FAM78B: variants seen among roughly 807,000 people sequenced by gnomAD.
FAM78B encodes family with sequence similarity 78 member B, also known as protein FAM78B.
A neutral mutation model predicts 20.0 loss-of-function variants in FAM78B; 10 were observed. The ratio of observed to expected loss-of-function variants is 0.50; its 90% CI spans 0.31 to 0.85. The LOEUF is 0.85. Among genes scored for constraint, FAM78B ranks in the 40% least tolerant of loss-of-function variants. The pLI, the probability that FAM78B is intolerant of heterozygous loss-of-function variation, is 0.05. For missense variants in FAM78B, 283 were observed against 345.0 expected (o/e 0.82, Z 1.42); for synonymous variants, 135 against 132.8 (o/e 1.02, Z -0.12).
At chr1:166,154,285 G>A (rs1451631542) in intron 1 of FAM78B, among the ~76,000 whole-genome samples, 1 of 152,240 alleles carries the variant, frequency 6.6e-6, no homozygotes, top group Non-Finnish European at 1.5e-5. Flanking sequence ...AGGGTAAGGG[G>A]GGTATTGAGG....
chr1:166,082,818 C>A, intron 1 of FAM78B: 1 of 152,460 alleles, frequency 6.6e-6, no homozygotes, highest in Non-Finnish European at 1.5e-5. Context: ...GAGAGTCCCA[C>A]GTGACAGCCG....
chr1:166,123,839 C>T (rs1654547145), intron 1 of FAM78B, among the ~76,000 whole-genome samples: 1 of 152,148 alleles, frequency 6.6e-6, no homozygotes, highest in Non-Finnish European at 1.5e-5. Flanking sequence ...ACCCCAGCTC[C>T]AGCAAAAATC....
chr1:166,101,284 C>G (rs757969911), intron 1 of FAM78B, among the ~76,000 whole-genome samples: 19 of 152,184 alleles, frequency 1.2e-4, no homozygotes, highest in South Asian at 2.1e-4. Context: ...AATCAGAGCG[C>G]CTCTTCTCGA....
intron 1 of FAM78B, among the ~76,000 whole-genome samples, chr1:166,079,854 G>A (rs1438671380): frequency 1.3e-5 from 2 of 152,184 alleles, no homozygotes; most frequent in Admixed American, 1.3e-4. Flanking sequence ...TGTTTGTTAG[G>A]GATGGGCAGA....
intron 1 of FAM78B, among the ~76,000 whole-genome samples, chr1:166,110,000 T>C (rs1653987964): frequency 6.8e-6 from 1 of 146,594 alleles, no homozygotes; most frequent in Admixed American, 6.8e-5. Flanking sequence ...ACTGTTATTG[T>C]AAGTAAAGTA....
intron 1 of FAM78B, among the ~76,000 whole-genome samples, chr1:166,096,857 C>T (rs1354998773): frequency 6.6e-6 from 1 of 152,100 alleles, no homozygotes; most frequent in Admixed American, 6.6e-5. Flanking sequence ...GGAGAGAGAT[C>T]GTGGTGGATG....
rs556760057 is a variant in FAM78B, at chr1:166,079,788, T to C, written c.264-9025A>G. ...CTCTGTTAGTCTGACCTATAACTTA[T>C]AAATACTGAGAAATATGGCACCCTG... is the stretch of plus-strand genomic sequence containing the variant. On this transcript the variant is annotated intron_variant, in intron 1 of 1. Transcript: ENST00000354422. Among the ~76,000 whole-genome samples the C allele has an allele frequency of 2.6e-5, 4 of 152,328 alleles. No individual in the cohort carries two copies. In the East Asian group the frequency reaches 5.8e-4, roughly 22 times the overall value.
At chr1:166,114,790 A>G (rs75108655) in intron 1 of FAM78B, among the ~76,000 whole-genome samples, 2 of 152,088 alleles carry the variant, frequency 1.3e-5, no homozygotes, top group Non-Finnish European at 2.9e-5. Context: ...ACAATATAGC[A>G]TATTTTTTTG....
At chr1:166,146,324 T>C (rs10494452) in intron 1 of FAM78B, among the ~76,000 whole-genome samples, 10,770 of 152,326 alleles carry the variant, frequency 0.071, 460 homozygotes, top group South Asian at 0.14. Context: ...TAGGATACTT[T>C]CTGAGACATT....
chr1:166,118,446 T>C (rs1654341581), intron 1 of FAM78B, among the ~76,000 whole-genome samples: 1 of 152,168 alleles, frequency 6.6e-6, no homozygotes, highest in South Asian at 2.1e-4. Context: ...ACTAATAGGT[T>C]TTGTCTTCAT....
chr1:166,140,656 T>C (rs1248316150), intron 1 of FAM78B, among the ~76,000 whole-genome samples: 3 of 152,162 alleles, frequency 2.0e-5, no homozygotes, highest in Non-Finnish European at 4.4e-5. Context: ...TTACTGCAAA[T>C]GGTGGGATAA....
At chr1:166,088,987 TC>T (rs1350806259) in intron 1 of FAM78B, among the ~76,000 whole-genome samples, 1 of 152,192 alleles carries the variant, frequency 6.6e-6, no homozygotes, top group African/African-American at 2.4e-5. Context: ...CAAACAGCTT[TC>T]CACCCCCAAT....
intron 1 of FAM78B, among the ~76,000 whole-genome samples, chr1:166,149,124 T>C (rs1456717947): frequency 6.6e-6 from 1 of 152,214 alleles, no homozygotes; most frequent in Non-Finnish European, 1.5e-5. Flanking sequence ...TGTGTCTTTA[T>C]AGCAGCATGA....
intron 1 of FAM78B, among the ~76,000 whole-genome samples, chr1:166,106,953 GAAC>G (rs993017453): frequency 1.2e-4 from 18 of 151,628 alleles, no homozygotes; most frequent in African/African-American, 4.4e-4. Context: ...TTGAACTGAA[GAAC>G]AATAATGACA....
intron 1 of FAM78B, among the ~76,000 whole-genome samples, chr1:166,076,960 A>G (rs1021926518): frequency 5.3e-5 from 8 of 152,184 alleles, no homozygotes; most frequent in African/African-American, 1.9e-4. Context: ...GACCTGTCAC[A>G]TGGCCAGAGA....
rs75108655 is a variant in FAM78B at position 166,114,790 on chromosome 1, A to C, written c.264-44027T>G. ...ACTTTAAAAGAGACAACAATATAGC[A>C]TATTTTTTTGTTGTTGTTCTCTTTT... On this transcript the variant is annotated intron_variant, in intron 1 of 1. Coordinates refer to ENST00000354422, the MANE Select transcript of FAM78B (RefSeq NM_001017961.5). Among the ~76,000 whole-genome samples the C allele has an allele frequency of 8.8e-3, 1,340 of 152,202 alleles. 24 individuals are homozygous for C. The highest frequency in any genetic ancestry group is 0.031 in the African/African-American group (1,267 of 41,466).
chr1:166,093,714 C>T (rs1253069357), intron 1 of FAM78B, among the ~76,000 whole-genome samples: 1 of 151,516 alleles, frequency 6.6e-6, no homozygotes, highest in Non-Finnish European at 1.5e-5. Context: ...TCTCCAGGGC[C>T]TGTAAATAGC....
chr1:166,152,731 G>A (rs185853698), intron 1 of FAM78B, among the ~76,000 whole-genome samples: 2,013 of 151,848 alleles, frequency 0.013, 60 homozygotes, highest in African/African-American at 0.046. Flanking sequence ...AGGCTGGAGT[G>A]CAGTGGCGTG....
At chr1:166,142,409 G>T (rs936183639) in intron 1 of FAM78B, among the ~76,000 whole-genome samples, 4 of 152,332 alleles carry the variant, frequency 2.6e-5, no homozygotes, top group Non-Finnish European at 5.9e-5. Flanking sequence ...AGCAGCAGAA[G>T]CCTGAAGTCC....
Sources: gnomAD v4.1 joint callset for allele counts (sites outside exome capture counted in the v4.1 genomes callset) on GRCh38, gnomAD v4.1.1 for gene constraint, MANE v1.5 for transcripts, NCBI Gene and HGNC (gene_info 2026-07-23, HGNC 2026-07-21) for gene names.